The following MGMT variants were observed in gnomAD, a reference collection of about 807,000 sequenced individuals.
MGMT encodes methylated-DNA--protein-cysteine methyltransferase.
A neutral mutation model predicts 15.9 loss-of-function variants in MGMT; 14 were observed. That is an observed-to-expected ratio of 0.88 (90% CI 0.58 to 1.37). The LOEUF (loss-of-function observed/expected upper bound fraction) is 1.37, where lower values mean the gene tolerates loss of function less well. MGMT is among the 40% of genes most tolerant of loss of function. MGMT has a pLI of 0.00. For synonymous variants in MGMT, 130 were observed against 118.2 expected (o/e 1.10, Z -0.65); for missense variants, 282 against 268.1 (o/e 1.05, Z -0.36).
At position 129,577,874 on chromosome 10, in the gene MGMT, A is replaced by G. The variant is rs185550763; in HGVS notation, c.125+41497A>G. On this transcript the variant is annotated intron_variant, in intron 2 of 4. Coordinates refer to ENST00000651593, the MANE Select transcript of MGMT (RefSeq NM_002412.5). ...AACCCCATCAAAAAGTGGGCAAAGG[A>G]TATGAACAGACACTTCTCAAAAGAA... 2.3e-3 allele frequency among the ~76,000 whole-genome samples: 358 copies of G among 152,348 alleles called. 2 individuals are homozygous for G. The highest frequency in any genetic ancestry group is 8.2e-3 in the African/African-American group (343 of 41,586).
At chr10:129,735,867 G>A (rs1438933681) in intron 3 of MGMT, among the ~76,000 whole-genome samples, 2 of 52,672 alleles carry the variant, frequency 3.8e-5, no homozygotes, top group East Asian at 4.9e-4. Context: ...GTAGTTGAGC[G>A]GTTTTGAGTG....
At chr10:129,764,618 G>T (rs1409840747) in intron 4 of MGMT, among the ~76,000 whole-genome samples, 1 of 152,254 alleles carries the variant, frequency 6.6e-6, no homozygotes, top group African/African-American at 2.4e-5. Flanking sequence ...GGAGGGTGGA[G>T]CGTGGGGAAG....
chr10:129,742,543 G>A (rs1473429476), intron 3 of MGMT, among the ~76,000 whole-genome samples: 7 of 113,886 alleles, frequency 6.1e-5, no homozygotes, highest in South Asian at 2.9e-4. Flanking sequence ...GTGCCCCACG[G>A]CTGCAGCGGC....
At chr10:129,677,438 G>T (rs1847798162) in intron 2 of MGMT, among the ~76,000 whole-genome samples, 1 of 152,170 alleles carries the variant, frequency 6.6e-6, no homozygotes. Flanking sequence ...CTGCCCTGTA[G>T]AGAATAGCCA....
intron 2 of MGMT, among the ~76,000 whole-genome samples, chr10:129,610,568 C>G (rs1846948305): frequency 6.6e-6 from 1 of 152,234 alleles, no homozygotes; most frequent in Non-Finnish European, 1.5e-5. Context: ...TTTCCTTGCT[C>G]TATTTTTTAC....
At chr10:129,563,158 G>A (rs150461650) in intron 2 of MGMT, among the ~76,000 whole-genome samples, 8 of 152,286 alleles carry the variant, frequency 5.3e-5, no homozygotes, top group Admixed American at 4.6e-4. Context: ...TTTCAGGGTC[G>A]ATGTTTTTAA....
At chr10:129,586,832 G>A (rs910548948) in intron 2 of MGMT, among the ~76,000 whole-genome samples, 8 of 152,258 alleles carry the variant, frequency 5.3e-5, no homozygotes, top group South Asian at 2.1e-4. Flanking sequence ...TCCCTCTGCC[G>A]TTTTTATGAA....
At chr10:129,725,188 C>T (rs537856806) in intron 3 of MGMT, among the ~76,000 whole-genome samples, 1 of 152,368 alleles carries the variant, frequency 6.6e-6, no homozygotes, top group East Asian at 1.9e-4. Flanking sequence ...CTCAGCTTTG[C>T]AGCCGTCCCT....
chr10:129,618,905 CA>C (rs2133074042), intron 2 of MGMT, among the ~76,000 whole-genome samples: 1 of 152,042 alleles, frequency 6.6e-6, no homozygotes, highest in Admixed American at 6.6e-5. Flanking sequence ...TAGTATCTTC[CA>C]TGTACGTGAA....
intron 2 of MGMT, among the ~76,000 whole-genome samples, chr10:129,653,612 T>C (rs1847488374): frequency 6.6e-6 from 1 of 152,236 alleles, no homozygotes; most frequent in Admixed American, 6.5e-5. Context: ...GGCCCTTGAC[T>C]GTGGTCAGCA....
intron 2 of MGMT, among the ~76,000 whole-genome samples, chr10:129,579,179 G>A (rs114122742): frequency 6.4e-4 from 97 of 152,304 alleles, no homozygotes; most frequent in African/African-American, 2.3e-3. Context: ...AGGAAAAACG[G>A]CCATTGTTTT....
At chr10:129,579,046 G>A (rs891292542) in intron 2 of MGMT, among the ~76,000 whole-genome samples, 52 of 152,190 alleles carry the variant, frequency 3.4e-4, no homozygotes, top group African/African-American at 1.3e-3. Context: ...CTTATCCCAG[G>A]AGGGCTGAAA....
chr10:129,683,079 C>T (rs1476488757), intron 2 of MGMT, among the ~76,000 whole-genome samples: 14 of 152,234 alleles, frequency 9.2e-5, no homozygotes, highest in Admixed American at 9.2e-4. Context: ...AAACTCCTGA[C>T]CTCAAGTGAT....
intron 3 of MGMT, among the ~76,000 whole-genome samples, chr10:129,714,469 TATCTC>T (rs1848270368): frequency 2.0e-5 from 3 of 152,340 alleles, no homozygotes; most frequent in South Asian, 4.1e-4. Context: ...AAGTTACTCA[TATCTC>T]AGTTCATTCA....
At chr10:129,625,615 C>G (rs73388716) in intron 2 of MGMT, among the ~76,000 whole-genome samples, 7,708 of 152,180 alleles carry the variant, frequency 0.051, 642 homozygotes, top group African/African-American at 0.17. Flanking sequence ...ATCATAGTAA[C>G]CAAAAAAAGC....
rs1845950762 is a variant in MGMT, at chr10:129,533,157, A to G, written c.-12-3084A>G. Among the ~76,000 whole-genome samples the G allele has an allele frequency of 6.6e-6, 1 of 152,204 alleles. No homozygotes were observed. The highest frequency in any genetic ancestry group is 2.1e-4 in the South Asian group (1 of 4,826). On this transcript the variant is annotated intron_variant, in intron 1 of 4. Transcript: ENST00000651593. The surrounding 1 kb of genome is among the most constrained non-coding windows in gnomAD (Gnocchi z 4.5). ...CCTGCTGTGCCTGGTTGCCCCACAGATGTTTCCTGAAGCTTGATTTTGGCT... is the reference window on the plus strand; with the variant it reads ...CCTGCTGTGCCTGGTTGCCCCACAGGTGTTTCCTGAAGCTTGATTTTGGCT...
chr10:129,481,114 G>T (rs1285245275), intron 1 of MGMT, among the ~76,000 whole-genome samples: 1 of 152,212 alleles, frequency 6.6e-6, no homozygotes, highest in Non-Finnish European at 1.5e-5. Flanking sequence ...CAATATCTTG[G>T]CCCTTGCGGA....
At chr10:129,522,446 G>A (rs1041238636) in intron 1 of MGMT, among the ~76,000 whole-genome samples, 1 of 152,156 alleles carries the variant, frequency 6.6e-6, no homozygotes, top group African/African-American at 2.4e-5. Context: ...GGCTGGGGTG[G>A]GTGCCCGTCC....
chr10:129,739,329 A>G (rs1564780583), intron 3 of MGMT, among the ~76,000 whole-genome samples: 1 of 152,236 alleles, frequency 6.6e-6, no homozygotes, highest in Non-Finnish European at 1.5e-5. Context: ...AAAGAAATAA[A>G]GGGTATTCAA....
Sources: gnomAD v4.1 joint callset for allele counts (sites outside exome capture counted in the v4.1 genomes callset) on GRCh38, gnomAD v4.1.1 for gene constraint, Gnocchi (gnomAD v3.1) non-coding constraint, MANE v1.5 for transcripts, NCBI Gene and HGNC (gene_info 2026-07-23, HGNC 2026-07-21) for gene names.